The following GREB1L variants were observed in gnomAD, a reference collection of about 807,000 sequenced individuals.
GREB1L encodes the protein GREB1 like retinoic acid receptor coactivator, also known as GREB1-like protein.
In GREB1L, 17 loss-of-function variants were observed where a neutral mutation model predicts 200.8. That is an observed-to-expected ratio of 0.08 (90% confidence interval 0.06 to 0.13). The LOEUF (loss-of-function observed/expected upper bound fraction) is 0.13. Ranked by LOEUF, GREB1L falls within the 10% of genes least tolerant of loss-of-function variation. The probability of loss-of-function intolerance (pLI) is 1.00; values close to 1 mark genes in which losing one functional copy is unlikely to be tolerated. For synonymous variants in GREB1L, 789 were observed against 893.0 expected, an observed-to-expected ratio of 0.88 and a Z score of 2.08; for missense variants, 1,657 against 2,367.7, an observed-to-expected ratio of 0.70 and a Z score of 6.23.
chr18:21,266,251 A>G (rs1370493690), intron 1 of GREB1L, among the ~76,000 whole-genome samples: 1 of 152,208 alleles, frequency 6.6e-6, no homozygotes, highest in Non-Finnish European at 1.5e-5. Flanking sequence ...TAGGGTTTCA[A>G]CATTTTTAGG....
chr18:21,397,669 C>G (rs1378465687), intron 5 of GREB1L, among the ~76,000 whole-genome samples: 2 of 152,102 alleles, frequency 1.3e-5, no homozygotes. Context: ...CCCCTGCACT[C>G]TAGGCTGGGC....
intron 1 of GREB1L, among the ~76,000 whole-genome samples, chr18:21,264,282 A>C (rs2037933266): frequency 6.6e-6 from 1 of 152,010 alleles, no homozygotes; most frequent in Non-Finnish European, 1.5e-5. Context: ...GAAAAAAAAA[A>C]AACGATGACA....
chr18:21,259,775 G>T (rs1475233400), intron 1 of GREB1L, among the ~76,000 whole-genome samples: 1 of 152,056 alleles, frequency 6.6e-6, no homozygotes, highest in East Asian at 1.9e-4. Flanking sequence ...TATTGGTGAT[G>T]TTAAGAAAAT....
intron 1 of GREB1L, among the ~76,000 whole-genome samples, chr18:21,344,300 C>G (rs1284824331): frequency 6.6e-6 from 1 of 152,126 alleles, no homozygotes; most frequent in African/African-American, 2.4e-5. Context: ...ATTCGTGAGG[C>G]TGAGGCAGGA....
intron 7 of GREB1L, among the ~76,000 whole-genome samples, chr18:21,416,649 GC>G (rs964831910): frequency 3.4e-5 from 5 of 147,020 alleles, no homozygotes; most frequent in African/African-American, 1.2e-4. Flanking sequence ...AGCCAAGATT[GC>G]CCCACTGTAC....
At chr18:21,284,513 T>G (rs1598629163) in intron 1 of GREB1L, among the ~76,000 whole-genome samples, 2 of 152,246 alleles carry the variant, frequency 1.3e-5, no homozygotes, top group South Asian at 4.1e-4. Context: ...TTTCTTTTTA[T>G]TGCCAAATGC....
intron 1 of GREB1L, among the ~76,000 whole-genome samples, chr18:21,264,730 A>G (rs555673993): frequency 1.1e-3 from 163 of 143,648 alleles, no homozygotes; most frequent in African/African-American, 3.8e-3. Context: ...CTCTCCTTCA[A>G]ATCTCACTGA....
rs964177012 is a variant in GREB1L, at chr18:21,383,656, G to T, written c.138G>T (p.Gln46His). 1 of 1,550,376 alleles carries T rather than the reference G, an allele frequency of 6.5e-7. No individual in the cohort carries two copies. The highest frequency in any genetic ancestry group is 1.2e-5 in the South Asian group (1 of 83,762). Residue 46 changes from glutamine (Q) to histidine (H), a missense_variant, in exon 3 of 33, where the codon CAG becomes CAT. Physicochemically the swap from Gln to His is conservative, Grantham distance 24. Coordinates refer to ENST00000424526, the MANE Select transcript of GREB1L (RefSeq NM_001142966.3). ...CCCAGCTATACCTGGACCCTGACCA[G>T]CATCCTTTCTCATCTGCAGGTAAGT... ...IFSQLYLDPDQHPFSSADVKP... is the reference protein window; with the variant it reads ...IFSQLYLDPDHHPFSSADVKP...
intron 1 of GREB1L, among the ~76,000 whole-genome samples, chr18:21,266,317 A>T (rs561918580): frequency 6.6e-6 from 1 of 152,254 alleles, no homozygotes; most frequent in Non-Finnish European, 1.5e-5. Flanking sequence ...GATGGAATAG[A>T]TCATTTGAAA....
At chr18:21,335,896 C>T (rs907164291) in intron 1 of GREB1L, among the ~76,000 whole-genome samples, 1 of 152,062 alleles carries the variant, frequency 6.6e-6, no homozygotes, top group Admixed American at 6.5e-5. Flanking sequence ...ATCTCCTGAC[C>T]TCGTGATCCA....
intron 1 of GREB1L, among the ~76,000 whole-genome samples, chr18:21,244,986 T>G (rs1244978028): frequency 6.6e-6 from 1 of 152,206 alleles, no homozygotes; most frequent in African/African-American, 2.4e-5. Context: ...GAACATCCCT[T>G]ATAGCTAAGA....
chr18:21,374,059 T>G (rs548116123), intron 2 of GREB1L, among the ~76,000 whole-genome samples: 106 of 152,224 alleles, frequency 7.0e-4, no homozygotes, highest in African/African-American at 2.4e-3. Context: ...TGGAGTGCAG[T>G]GGCACAACCA....
intron 1 of GREB1L, among the ~76,000 whole-genome samples, chr18:21,350,730 A>G (rs1294062747): frequency 6.6e-6 from 1 of 152,190 alleles, no homozygotes; most frequent in East Asian, 1.9e-4. Flanking sequence ...GATAGGAAAC[A>G]ACTGATTGGA....
At chr18:21,390,569 G>A (rs1270992480) in intron 4 of GREB1L, among the ~76,000 whole-genome samples, 10 of 152,138 alleles carry the variant, frequency 6.6e-5, no homozygotes, top group East Asian at 1.9e-4. Context: ...ATGGAGTCTC[G>A]CGCTGTCACC....
At chr18:21,420,428 G>C (rs1008402317) in intron 7 of GREB1L, among the ~76,000 whole-genome samples, 1 of 150,046 alleles carries the variant, frequency 6.7e-6, no homozygotes, top group African/African-American at 2.4e-5. Context: ...TCTTTGCAAA[G>C]CATATAAAGG....
At position 21,515,464 on chromosome 18, in the gene GREB1L, C is replaced by A; in HGVS notation, c.4949C>A (p.Thr1650Asn). Reference sequence around the variant, plus strand: ...TCCAGTAAGAATGTGTCCTTGAAGACTGTCTTGCAGCACATTGAAGCCACA... The same window carrying A: ...TCCAGTAAGAATGTGTCCTTGAAGAATGTCTTGCAGCACATTGAAGCCACA... ...GVSSKNVSLK[T>N]VLQHIEATPK... Residue 1650 changes from threonine (T) to asparagine (N), a missense_variant, in exon 29 of 33, where the codon ACT (threonine) becomes AAT (asparagine). Coordinates refer to ENST00000424526, the MANE Select transcript of GREB1L (RefSeq NM_001142966.3). 1 of 1,551,638 alleles carries A rather than the reference C, an allele frequency of 6.4e-7. No individual in the cohort carries two copies. The highest frequency in any genetic ancestry group is 8.7e-7 in the Non-Finnish European group (1 of 1,146,954).
At chr18:21,345,026 C>A (rs1332997951) in intron 1 of GREB1L, among the ~76,000 whole-genome samples, 2 of 152,180 alleles carry the variant, frequency 1.3e-5, no homozygotes, top group African/African-American at 4.8e-5. Context: ...CCCACCTGCC[C>A]CTTTCTCAGC....
At chr18:21,491,983 A>G (rs1372336889) in intron 19 of GREB1L, among the ~76,000 whole-genome samples, 4 of 152,260 alleles carry the variant, frequency 2.6e-5, no homozygotes, top group East Asian at 3.9e-4. Context: ...AACTCCGGAA[A>G]CGCTTCTTAC....
At chr18:21,441,201 A>C (rs192499756) in intron 9 of GREB1L, among the ~76,000 whole-genome samples, 199 bp from the exon 10 acceptor site, 83 of 152,358 alleles carry the variant, frequency 5.4e-4, no homozygotes, top group African/African-American at 1.9e-3. Flanking sequence ...AGTTGTAGCC[A>C]CATGTTATGA....
Sources: allele counts gnomAD v4.1 joint callset (sites outside exome capture counted in the v4.1 genomes callset), GRCh38; gene constraint gnomAD v4.1.1; transcripts MANE v1.5; gene names NCBI Gene and HGNC (gene_info 2026-07-23, HGNC 2026-07-21).